Variants in AUTS2 observed in about 807,000 individuals in gnomAD.
The protein encoded by AUTS2 is autism susceptibility gene 2 protein.
AUTS2 carries 17 observed loss-of-function variants against 112.4 expected under a neutral mutation model. That is an observed-to-expected ratio of 0.15 (90% CI 0.10 to 0.23). The LOEUF is 0.23. AUTS2 is among the 10% of genes least tolerant of loss of function. The pLI is 1.00. For missense variants in AUTS2, 1,510 were observed against 1,701.6 expected (o/e 0.89, Z 1.98); for synonymous variants, 751 against 702.7 (o/e 1.07, Z -1.09).
intron 2 of AUTS2, among the ~76,000 whole-genome samples, chr7:70,047,087 G>A (rs2129558671): frequency 6.6e-6 from 1 of 152,242 alleles, no homozygotes; most frequent in Non-Finnish European, 1.5e-5. Context: ...ATATAAGTTT[G>A]TTATGGTGGA....
At chr7:70,454,080 G>A (rs2131100242) in intron 5 of AUTS2, among the ~76,000 whole-genome samples, 1 of 152,278 alleles carries the variant, frequency 6.6e-6, no homozygotes, top group South Asian at 2.1e-4. Context: ...TCTTCTGTTA[G>A]CAAGAAAGAG....
chr7:69,879,319 TC>T (rs1562946019), intron 1 of AUTS2, among the ~76,000 whole-genome samples: 16 of 126,470 alleles, frequency 1.3e-4, no homozygotes, highest in Non-Finnish European at 1.3e-4. Context: ...ATTTTTTTTT[TC>T]TTTTTTTTTT....
intron 5 of AUTS2, among the ~76,000 whole-genome samples, chr7:70,610,879 G>A (rs1224637884): frequency 2.0e-5 from 3 of 151,958 alleles, no homozygotes; most frequent in African/African-American, 7.3e-5. Flanking sequence ...ATCTATTTTG[G>A]ATATTAACCC....
chr7:69,798,946 G>A (rs1006962921), intron 1 of AUTS2, among the ~76,000 whole-genome samples: 1 of 151,606 alleles, frequency 6.6e-6, no homozygotes, highest in African/African-American at 2.4e-5. Flanking sequence ...AGCTTTAATG[G>A]CACCACTGCA....
intron 1 of AUTS2, among the ~76,000 whole-genome samples, chr7:69,824,233 G>A (rs975973419): frequency 5.3e-5 from 8 of 151,986 alleles, no homozygotes; most frequent in African/African-American, 1.9e-4. Context: ...CTAACACGGT[G>A]AAACCCCATC....
intron 1 of AUTS2, among the ~76,000 whole-genome samples, chr7:69,865,103 GTT>G (rs796779159): frequency 5.0e-5 from 7 of 139,828 alleles, no homozygotes; most frequent in East Asian, 2.0e-4. Context: ...AGGATGGTAG[GTT>G]TTTTTTTTTT....
intron 1 of AUTS2, among the ~76,000 whole-genome samples, chr7:69,763,588 G>A (rs1025913232): frequency 6.6e-6 from 1 of 152,134 alleles, no homozygotes; most frequent in African/African-American, 2.4e-5. Context: ...CCGAGACTGT[G>A]GGTTTTTATC....
intron 2 of AUTS2, among the ~76,000 whole-genome samples, chr7:69,936,325 T>C (rs1796408223): frequency 1.3e-5 from 2 of 152,084 alleles, no homozygotes; most frequent in African/African-American, 4.8e-5. Context: ...CATCTGCCCA[T>C]TGGGACCTAC....
chr7:70,256,380 G>A (rs2129605726), intron 4 of AUTS2, among the ~76,000 whole-genome samples: 1 of 152,320 alleles, frequency 6.6e-6, no homozygotes, highest in African/African-American at 2.4e-5. Flanking sequence ...GGTCATAACA[G>A]GCAGCAATGG....
Position 69,967,070 on chromosome 7 carries a change from T to G in AUTS2, c.522+67572T>G, listed in dbSNP as rs1584504040. Among the ~76,000 whole-genome samples, 3 of 152,144 alleles carry G rather than the reference T, an allele frequency of 2.0e-5. No homozygotes were observed. In the East Asian group the frequency reaches 5.8e-4, roughly 29 times the overall value. Reference sequence around the variant, plus strand: ...GAACTTAAGATGGATTCTTATTCACTATTTGCTAAAGAGACTGGACTGTTT... The same window carrying G: ...GAACTTAAGATGGATTCTTATTCACGATTTGCTAAAGAGACTGGACTGTTT... On this transcript the variant is annotated intron_variant, in intron 2 of 18. Coordinates refer to ENST00000342771, the MANE Select transcript of AUTS2 (RefSeq NM_015570.4).
intron 1 of AUTS2, among the ~76,000 whole-genome samples, chr7:69,802,491 C>T (rs1790128003): frequency 6.6e-6 from 1 of 152,128 alleles, no homozygotes; most frequent in South Asian, 2.1e-4. Flanking sequence ...TTGATGGCTT[C>T]CTTATCTGTT....
rs779943135 is a variant in AUTS2, at chr7:70,762,899, G to A, written c.772G>A (p.Glu258Lys). The A allele has an allele frequency of 1.2e-6, 2 of 1,613,908 alleles. No homozygotes were observed. The highest frequency in any genetic ancestry group is 1.3e-5 in the African/African-American group (1 of 74,910). The change falls in exon 7 of 19, where the codon GAA becomes AAA. Residue 258 changes from glutamate (E) to lysine (K), a missense_variant. This residue lies in a region of AUTS2 where 535 missense variants were observed against 594.3 expected (regional missense o/e 0.90). Transcript: ENST00000342771. ...DPELGVGTLP[E>K]HDSQDAGPIV... ...GGAGTTAGGTGTTGGCACGCTACCA[G>A]AACATGACAGCCAGGATGCAGGGCC...
chr7:70,001,945 A>G (rs1415570722), intron 2 of AUTS2, among the ~76,000 whole-genome samples: 12 of 152,088 alleles, frequency 7.9e-5, no homozygotes, highest in Non-Finnish European at 1.3e-4. Flanking sequence ...TCCTGACCTC[A>G]GGTGATCTGC....
intron 4 of AUTS2, among the ~76,000 whole-genome samples, chr7:70,186,527 T>C (rs1044002410): frequency 6.6e-6 from 1 of 152,172 alleles, no homozygotes; most frequent in East Asian, 1.9e-4. Context: ...CAGATTATGG[T>C]AATAGTGATA....
At chr7:70,255,594 G>C (rs1458452746) in intron 4 of AUTS2, among the ~76,000 whole-genome samples, 1 of 152,144 alleles carries the variant, frequency 6.6e-6, no homozygotes, top group Non-Finnish European at 1.5e-5. Context: ...CAGCTTATAT[G>C]GGAAGAACTT....
At chr7:69,614,370 T>TCTTTCTTTTCTTTCTTTTCTTTC (rs1322536871) in intron 1 of AUTS2, among the ~76,000 whole-genome samples, 5 of 28,548 alleles carry the variant, frequency 1.8e-4, no homozygotes, top group South Asian at 1.1e-3. Context: ...CTTTCTTTTT[T>TCTTTCTTTTCTTTCTTTTCTTTC]TAAGAGATGG....
At chr7:70,312,955 C>T (rs1789828856) in intron 4 of AUTS2, among the ~76,000 whole-genome samples, 1 of 152,182 alleles carries the variant, frequency 6.6e-6, no homozygotes, top group African/African-American at 2.4e-5. Context: ...CAAAGAGCAT[C>T]AGATTGCTCT....
At position 69,899,150 on chromosome 7, in the gene AUTS2, G is replaced by A. The variant is rs190368342; in HGVS notation, c.310-136G>A. The stretch of plus-strand genomic sequence containing the variant: ...TTGAGAAGCCATGTTTCTTAGTTTT[G>A]GGTCTTCTCATATCCCACTTTCCTA... On this transcript the variant is annotated intron_variant, in intron 1 of 18. Transcript: ENST00000342771. The A allele has an allele frequency of 7.7e-4, 486 of 631,718 alleles. No individual in the cohort carries two copies. In the African/African-American group the frequency reaches 8.0e-3, roughly 10 times the overall value. The allele number at this position is 631,718 out of a possible 1,614,324, so 39.1% of individuals were successfully genotyped here. A position where few individuals can be genotyped will look rare whatever the true frequency, so the allele number is the denominator to read the frequency against.
intron 1 of AUTS2, among the ~76,000 whole-genome samples, chr7:69,884,314 C>G (rs959629266): frequency 6.6e-6 from 1 of 152,218 alleles, no homozygotes; most frequent in Non-Finnish European, 1.5e-5. Context: ...TTCAGCAAAT[C>G]TATGTGCCTT....
Sources: gnomAD v4.1 joint callset for allele counts (sites outside exome capture counted in the v4.1 genomes callset) on GRCh38, gnomAD v4.1.1 for gene constraint, gnomAD v4.1.1 regional missense constraint, MANE v1.5 for transcripts, NCBI Gene and HGNC (gene_info 2026-07-23, HGNC 2026-07-21) for gene names.